Variants in SORCS1 observed in about 807,000 individuals in gnomAD.
SORCS1 encodes the protein sortilin related VPS10 domain containing receptor 1, also known as VPS10 domain-containing receptor SorCS1.
Under a neutral mutation model 146.1 loss-of-function variants are expected in SORCS1, and 60 were observed. That is an observed-to-expected ratio of 0.41 (90% CI 0.33 to 0.51). The LOEUF (loss-of-function observed/expected upper bound fraction) is 0.51, where lower values mean the gene tolerates loss of function less well. SORCS1 is among the 20% of genes least tolerant of loss of function. SORCS1 has a pLI of 0.21. For synonymous variants in SORCS1, 637 were observed against 584.0 expected (o/e 1.09, Z -1.31); for missense variants, 1,352 against 1,487.6 (o/e 0.91, Z 1.50).
At chr10:107,123,608 C>T (rs543679238) in intron 1 of SORCS1, among the ~76,000 whole-genome samples, 15 of 152,266 alleles carry the variant, frequency 9.9e-5, no homozygotes, top group East Asian at 3.9e-4. Context: ...ACTTTTAGAA[C>T]GCTTAATTTA....
At chr10:106,589,641 T>A (rs975333884) in intron 24 of SORCS1, among the ~76,000 whole-genome samples, 1 of 149,952 alleles carries the variant, frequency 6.7e-6, no homozygotes, top group African/African-American at 2.5e-5. Context: ...TTTTCACTTA[T>A]ATGTTTGATG....
chr10:106,835,025 C>A (rs993996901), intron 2 of SORCS1, among the ~76,000 whole-genome samples: 5 of 152,148 alleles, frequency 3.3e-5, no homozygotes, highest in African/African-American at 1.2e-4. Flanking sequence ...GCTTTTAGAA[C>A]ATTTGAAAGT....
chr10:106,724,923 T>G (rs1213766486), intron 6 of SORCS1, among the ~76,000 whole-genome samples: 2 of 152,168 alleles, frequency 1.3e-5, no homozygotes, highest in Non-Finnish European at 2.9e-5. Context: ...GTGGATCACT[T>G]GAGGTCAGGA....
intron 1 of SORCS1, among the ~76,000 whole-genome samples, chr10:107,058,151 C>G (rs1960827985): frequency 6.6e-6 from 1 of 152,176 alleles, no homozygotes; most frequent in Non-Finnish European, 1.5e-5. Context: ...ACGCCATTCT[C>G]CTGCCTCAGC....
At chr10:107,093,531 G>T (rs151000801) in intron 1 of SORCS1, among the ~76,000 whole-genome samples, 1 of 152,168 alleles carries the variant, frequency 6.6e-6, no homozygotes, top group Non-Finnish European at 1.5e-5. Flanking sequence ...AAATTAGTTG[G>T]GTATGGTGGT....
intron 1 of SORCS1, among the ~76,000 whole-genome samples, chr10:106,958,394 A>G (rs1251352646): frequency 6.6e-6 from 1 of 152,202 alleles, no homozygotes; most frequent in Non-Finnish European, 1.5e-5. Flanking sequence ...TTCTAACCTT[A>G]AATTCCGGGG....
intron 2 of SORCS1, among the ~76,000 whole-genome samples, chr10:106,939,211 A>C (rs1953905907): frequency 6.6e-6 from 1 of 152,266 alleles, no homozygotes; most frequent in African/African-American, 2.4e-5. Context: ...CCCTTGCCCC[A>C]GCAAAGAGAA....
At chr10:106,898,667 C>G (rs2138029768) in intron 2 of SORCS1, among the ~76,000 whole-genome samples, 1 of 152,282 alleles carries the variant, frequency 6.6e-6, no homozygotes, top group African/African-American at 2.4e-5. Flanking sequence ...TGGAGCCAGA[C>G]TTGTGGGGGA....
At chr10:107,017,854 T>C (rs1957964259) in intron 1 of SORCS1, among the ~76,000 whole-genome samples, 1 of 151,966 alleles carries the variant, frequency 6.6e-6, no homozygotes, top group African/African-American at 2.4e-5. Flanking sequence ...TTAGTAGAGA[T>C]GGTGTTTCAC....
chr10:106,957,146 T>C (rs563023797), intron 1 of SORCS1, among the ~76,000 whole-genome samples: 20 of 147,160 alleles, frequency 1.4e-4, no homozygotes, highest in African/African-American at 4.6e-4. Context: ...ACATATCTAT[T>C]AGCATGTGGT....
At position 106,730,098 on chromosome 10, in the gene SORCS1, T is replaced by C; in HGVS notation, c.976A>G (p.Asn326Asp). The C allele has an allele frequency of 6.2e-7, 1 of 1,614,142 alleles. No individual in the cohort carries two copies. Among genetic ancestry groups the C allele is most frequent in the African/African-American group, 1.3e-5 (1 of 75,040 alleles). ...AGATGCACAAGGTCTGGTTCTTTAT[T>C]TGACCCCATCACAGACCTAAAAAAT... ...NRFYWSVMGS[N>D]KEPDLVHLEA... is the part of the protein sequence containing the mutation. The change falls in exon 6 of 26, where the codon AAT (asparagine) becomes GAT (aspartate). Residue 326 changes from asparagine (N) to aspartate (D), a missense_variant. This residue lies in a region of SORCS1 where 490 missense variants were observed against 489.1 expected (regional missense o/e 1.00). Coordinates refer to ENST00000263054, the MANE Select transcript of SORCS1 (RefSeq NM_052918.5).
intron 1 of SORCS1, among the ~76,000 whole-genome samples, chr10:106,976,763 A>G (rs1354419005): frequency 6.6e-6 from 1 of 152,034 alleles, no homozygotes; most frequent in Non-Finnish European, 1.5e-5. Context: ...CTCTTTGTTT[A>G]ACTCCCACTT....
intron 2 of SORCS1, among the ~76,000 whole-genome samples, chr10:106,911,366 G>A (rs1050747144): frequency 3.9e-5 from 6 of 152,154 alleles, no homozygotes; most frequent in Non-Finnish European, 7.3e-5. Flanking sequence ...TAGCAGGGGG[G>A]TCACTGCTGG....
intron 1 of SORCS1, among the ~76,000 whole-genome samples, chr10:106,977,045 G>A (rs760213101): frequency 4.6e-5 from 7 of 152,086 alleles, no homozygotes; most frequent in South Asian, 2.1e-4. Flanking sequence ...ATTCCTTTGC[G>A]TATATACCCA....
chr10:106,695,824 T>C (rs76579483), intron 9 of SORCS1, among the ~76,000 whole-genome samples: 9 of 152,342 alleles, frequency 5.9e-5, no homozygotes, highest in East Asian at 3.9e-4. Flanking sequence ...AAAATTCTGA[T>C]ATTTCAATAA....
At chr10:106,952,468 G>A (rs1954729971) in intron 2 of SORCS1, among the ~76,000 whole-genome samples, 1 of 151,562 alleles carries the variant, frequency 6.6e-6, no homozygotes, top group South Asian at 2.1e-4. Context: ...TACCTATGGA[G>A]GTTTCCTAAA....
At chr10:106,863,188 G>A (rs1407466485) in intron 2 of SORCS1, among the ~76,000 whole-genome samples, 3 of 152,088 alleles carry the variant, frequency 2.0e-5, no homozygotes, top group Admixed American at 6.5e-5. Flanking sequence ...TGGGCAAGAG[G>A]CAAGGTCTAA....
At chr10:106,822,132 T>C (rs1005367090) in intron 3 of SORCS1, among the ~76,000 whole-genome samples, 5 of 87,670 alleles carry the variant, frequency 5.7e-5, no homozygotes, top group Non-Finnish European at 1.3e-4. Flanking sequence ...CAGTGTTAGA[T>C]AGACACAGAT....
At chr10:106,624,707 C>T (rs879447934) in intron 19 of SORCS1, among the ~76,000 whole-genome samples, 2 of 152,182 alleles carry the variant, frequency 1.3e-5, no homozygotes, top group Admixed American at 6.5e-5. Flanking sequence ...GTACGTTGGC[C>T]TTGTAGGCCC....
Sources: gnomAD v4.1 joint callset for allele counts (sites outside exome capture counted in the v4.1 genomes callset) on GRCh38, gnomAD v4.1.1 for gene constraint, gnomAD v4.1.1 regional missense constraint, MANE v1.5 for transcripts, NCBI Gene and HGNC (gene_info 2026-07-23, HGNC 2026-07-21) for gene names.